Variants in PCLO observed in about 807,000 individuals in gnomAD.
PCLO encodes protein piccolo.
In PCLO, 82 loss-of-function variants were observed where a neutral mutation model predicts 427.5. That is an observed-to-expected ratio of 0.19 (90% CI 0.16 to 0.23). PCLO has a LOEUF of 0.23. Among genes scored for constraint, PCLO ranks in the 10% least tolerant of loss-of-function variants. PCLO has a pLI of 1.00. For synonymous variants in PCLO, 2,357 were observed against 2,155.4 expected, an observed-to-expected ratio of 1.09 and a Z score of -2.59; for missense variants, 6,239 against 6,115.9, an observed-to-expected ratio of 1.02 and a Z score of -0.67.
chr7:82,825,622 A>T (rs2115669879), intron 18 of PCLO, among the ~76,000 whole-genome samples: 1 of 148,152 alleles, frequency 6.7e-6, no homozygotes, highest in Non-Finnish European at 1.5e-5. Flanking sequence ...GTGTGTATAT[A>T]TATTATATAT....
intron 6 of PCLO, 69 bp from the exon 7 acceptor site, chr7:82,916,942 AATTAT>A (rs1794482575): frequency 2.0e-6 from 2 of 1,005,924 alleles, no homozygotes; most frequent in Admixed American, 2.5e-5. Flanking sequence ...TACTTCCATG[AATTAT>A]ATTTAATAAA....
chr7:83,035,110 C>T (rs1788762055), intron 3 of PCLO, among the ~76,000 whole-genome samples: 2 of 152,156 alleles, frequency 1.3e-5, no homozygotes, highest in African/African-American at 2.4e-5. Context: ...ATTATTGTCT[C>T]CTGCAAGTCT....
intron 16 of PCLO, among the ~76,000 whole-genome samples, chr7:82,833,855 G>C (rs1792159656): frequency 6.6e-6 from 1 of 152,092 alleles, no homozygotes; most frequent in Non-Finnish European, 1.5e-5. Context: ...CAGAAGGCCT[G>C]GGAAGGGAGC....
chr7:82,895,713 G>A (rs528235494), intron 9 of PCLO, among the ~76,000 whole-genome samples: 2 of 151,880 alleles, frequency 1.3e-5, no homozygotes, highest in Non-Finnish European at 2.9e-5. Context: ...AAACATAGGT[G>A]AAATGAATAC....
At chr7:83,142,333 C>T (rs1278864119) in intron 2 of PCLO, among the ~76,000 whole-genome samples, 2 of 152,140 alleles carry the variant, frequency 1.3e-5, no homozygotes, top group Non-Finnish European at 2.9e-5. Flanking sequence ...CTTTTAAACT[C>T]ATCACAACTA....
In PCLO at chr7:82,956,093, A is replaced by G. The variant is rs550441923; in HGVS notation, c.4860T>C (p.Asp1620=). 1.9e-5 allele frequency: 30 copies of G among 1,611,210 alleles called. 1 individual carries two copies. In the South Asian group the frequency reaches 3.0e-4, roughly 16 times the overall value. The part of the protein sequence containing the change: ...RLTRKSSTSI[D]EDAGRRHSWH... ...ATGAGTGACGTCTTCCTGCATCTTC[A>G]TCAATGCTTGTGCTACTTTTTCGAG... Residue 1620 remains aspartate (D), a synonymous_variant, in exon 5 of 25, where the codon GAT becomes GAC. Transcript: ENST00000333891.
intron 3 of PCLO, among the ~76,000 whole-genome samples, chr7:83,114,657 A>G (rs895251281): frequency 1.3e-5 from 2 of 152,082 alleles, no homozygotes; most frequent in African/African-American, 4.8e-5. Context: ...GGAAAAAACT[A>G]TCCTAGATTA....
In PCLO at chr7:82,915,665, A is replaced by G. The variant is rs2116266190; in HGVS notation, c.12321T>C (p.Tyr4107=). The part of the protein sequence containing the change: ...PLQSSSRLHS[Y]VKAEEDPMED... ...CCATTGGGTCTTCCTCCGCCTTCAC[A>G]TAACTATGCAATCTAGAGGAAGACT... Residue 4107 remains tyrosine, a synonymous_variant, in exon 7 of 25, where the codon TAT becomes TAC. Coordinates refer to ENST00000333891, the MANE Select transcript of PCLO (RefSeq NM_033026.6). 1.2e-6 allele frequency: 2 copies of G among 1,613,298 alleles called. No homozygotes were observed. Among genetic ancestry groups the G allele is most frequent in the Non-Finnish European group, 1.7e-6 (2 of 1,179,646 alleles).
In PCLO at chr7:82,827,079, C is replaced by T. The variant is rs1354496373; in HGVS notation, c.14344-419G>A. ...ACTTAGTAGCATTGCCTTATTTCTG[C>T]AGGTGAGTTTATTTTAAATTCACAA... On this transcript the variant is annotated intron_variant, in intron 17 of 24. Transcript: ENST00000333891. 2.0e-5 allele frequency among the ~76,000 whole-genome samples: 3 copies of T among 152,074 alleles called. No individual in the cohort carries two copies. In the South Asian group the frequency reaches 6.2e-4, roughly 31 times the overall value.
intron 20 of PCLO, chr7:82,820,906 A>G: frequency 1.6e-6 from 2 of 1,230,458 alleles, no homozygotes; most frequent in South Asian, 8.3e-5. Flanking sequence ...GTGCATAGAA[A>G]AATACAAATC....
chr7:83,010,599 T>A (rs1033771889), intron 3 of PCLO, among the ~76,000 whole-genome samples: 1 of 150,414 alleles, frequency 6.6e-6, no homozygotes, highest in African/African-American at 2.4e-5. Flanking sequence ...TATTTTAATA[T>A]AATATATATT....
intron 3 of PCLO, among the ~76,000 whole-genome samples, chr7:82,997,415 G>GA (rs1451801277): frequency 3.3e-5 from 5 of 151,782 alleles, no homozygotes; most frequent in Admixed American, 1.3e-4. Flanking sequence ...TATGTTTACA[G>GA]AAAAAAATGG....
intron 2 of PCLO, among the ~76,000 whole-genome samples, chr7:83,143,716 A>G (rs1053778362): frequency 6.6e-6 from 1 of 152,182 alleles, no homozygotes; most frequent in African/African-American, 2.4e-5. Context: ...CACGGACATG[A>G]AAGTGTATCC....
intron 2 of PCLO, among the ~76,000 whole-genome samples, chr7:83,148,434 A>AT (rs1054177868): frequency 8.5e-5 from 13 of 152,244 alleles, no homozygotes; most frequent in Admixed American, 2.0e-4. Flanking sequence ...TAAGGGAAGG[A>AT]TTTTTTCAAC....
chr7:83,025,289 G>A (rs1305494917), intron 3 of PCLO, among the ~76,000 whole-genome samples: 44 of 151,686 alleles, frequency 2.9e-4, no homozygotes, highest in Admixed American at 1.4e-3. Context: ...ACCAAGGCTC[G>A]AGAACTACGT....
intron 3 of PCLO, among the ~76,000 whole-genome samples, chr7:82,990,275 G>A (rs1328459098): frequency 1.3e-5 from 2 of 152,056 alleles, no homozygotes; most frequent in Non-Finnish European, 2.9e-5. Flanking sequence ...CCCCCTTTAT[G>A]GCCTCCTAAA....
chr7:83,070,388 G>T lies in PCLO; in HGVS notation c.3300+63862C>A, dbSNP rs1030582247. On this transcript the variant is annotated intron_variant, in intron 3 of 24. Coordinates refer to ENST00000333891, the MANE Select transcript of PCLO (RefSeq NM_033026.6). ...AATGCTTGCTCTTCTACGTTTTGTG[G>T]TTTTTTTTTTTTTTTTGGAGACCAA... Among the ~76,000 whole-genome samples, 1,025 of 138,510 alleles carry T rather than the reference G, an allele frequency of 7.4e-3. 6 individuals are homozygous for T. Among genetic ancestry groups the T allele is most frequent in the Non-Finnish European group, 8.7e-3 (562 of 64,248 alleles). 90.9% of individuals were successfully genotyped at this position (138,510 alleles called of 152,430 possible). A position where few individuals can be genotyped will look rare whatever the true frequency, so the allele number is the denominator to read the frequency against.
chr7:83,119,745 G>A (rs915116114), intron 3 of PCLO, among the ~76,000 whole-genome samples: 1 of 151,042 alleles, frequency 6.6e-6, no homozygotes, highest in African/African-American at 2.4e-5. Context: ...CCTTTCAGAC[G>A]GAGAATTCAA....
intron 8 of PCLO, among the ~76,000 whole-genome samples, chr7:82,906,151 ATGAT>A (rs993368187): frequency 2.1e-4 from 32 of 151,968 alleles, no homozygotes; most frequent in African/African-American, 6.0e-4. Context: ...TATAATTAAT[ATGAT>A]TGTGTGTCTA....
Sources: gnomAD v4.1 joint callset for allele counts (sites outside exome capture counted in the v4.1 genomes callset) on GRCh38, gnomAD v4.1.1 for gene constraint, MANE v1.5 for transcripts, NCBI Gene and HGNC (gene_info 2026-07-23, HGNC 2026-07-21) for gene names.